Variants in TEX9 observed in about 807,000 individuals in gnomAD.
TEX9 encodes the protein testis expressed 9.
TEX9 carries 74 observed loss-of-function variants against 59.6 expected under a neutral mutation model. That is an observed-to-expected ratio of 1.24 (90% confidence interval 1.03 to 1.51). The LOEUF (loss-of-function observed/expected upper bound fraction) is 1.51. Ranked by LOEUF, TEX9 falls within the 40% of genes most tolerant of loss-of-function variation. The pLI is 0.00. For synonymous variants in TEX9, 186 were observed against 152.2 expected (o/e 1.22, Z -1.64); for missense variants, 522 against 447.8 (o/e 1.17, Z -1.49).
At chr15:56,303,395 G>T (rs187586052) in intron 1 of TEX9, among the ~76,000 whole-genome samples, 14 of 152,122 alleles carry the variant, frequency 9.2e-5, no homozygotes, top group Admixed American at 9.2e-4. Flanking sequence ...TTAATAATAA[G>T]AAATTTGGAA....
Position 56,370,959 on chromosome 15 carries a change from C to T in TEX9, c.120-2482C>T, listed in dbSNP as rs1266938940. ...GCAACCTCCGCCTCCCAGGTTCAAG[C>T]GATTCTCATTCCTCAGCCTCCCCAG... On this transcript the variant is annotated intron_variant, in intron 2 of 12. Transcript: ENST00000352903. Among the ~76,000 whole-genome samples the T allele has an allele frequency of 3.3e-5, 5 of 152,084 alleles. No individual in the cohort carries two copies. The East Asian group carries it at 7.7e-4, about 24-fold the overall frequency.
intron 1 of TEX9, among the ~76,000 whole-genome samples, chr15:56,300,042 C>T (rs952234391): frequency 1.3e-5 from 2 of 152,056 alleles, no homozygotes; most frequent in East Asian, 1.9e-4. Context: ...TTGGCAACAG[C>T]GAGGTACAGC....
intron 10 of TEX9, among the ~76,000 whole-genome samples, chr15:56,424,974 G>A (rs1327014345): frequency 6.6e-6 from 1 of 152,086 alleles, no homozygotes; most frequent in Non-Finnish European, 1.5e-5. Flanking sequence ...ATCTAGGAAT[G>A]TCTTAATTTC....
upstream of TEX9, among the ~76,000 whole-genome samples, chr15:56,360,750 A>G (rs182464042): frequency 3.4e-3 from 513 of 152,288 alleles, 3 homozygotes; most frequent in African/African-American, 0.011. Context: ...ATGAAGCCAT[A>G]CCTCTTCTGT....
At chr15:56,275,124 C>T (rs775872772) in intron 1 of TEX9, among the ~76,000 whole-genome samples, 4 of 152,176 alleles carry the variant, frequency 2.6e-5, no homozygotes, top group African/African-American at 9.7e-5. Context: ...AATCCTTTCA[C>T]TCCAGTACTA....
At chr15:56,335,605 G>A (rs1293267674) in intron 1 of TEX9, among the ~76,000 whole-genome samples, 1 of 152,108 alleles carries the variant, frequency 6.6e-6, no homozygotes, top group Non-Finnish European at 1.5e-5. Context: ...GGTGATTATA[G>A]TAAAAACTAA....
upstream of TEX9, among the ~76,000 whole-genome samples, chr15:56,363,326 GCTATCT>G (rs1329192076): frequency 1.3e-5 from 2 of 150,646 alleles, no homozygotes; most frequent in African/African-American, 2.5e-5. Context: ...GTGCAGTGGT[GCTATCT>G]CGGCTCACTG....
chr15:56,247,119 A>C (rs1302652595), intron 1 of TEX9, among the ~76,000 whole-genome samples: 2 of 152,200 alleles, frequency 1.3e-5, no homozygotes, highest in African/African-American at 4.8e-5. Context: ...AGCCCAATCC[A>C]TTATATTGTC....
intron 1 of TEX9, among the ~76,000 whole-genome samples, chr15:56,343,903 A>G (rs1275084172): frequency 1.3e-5 from 2 of 152,172 alleles, no homozygotes; most frequent in African/African-American, 2.4e-5. Flanking sequence ...AATGGACAAT[A>G]AGCAAATGAA....
At chr15:56,309,724 T>TTTTTTTTTTTTA (rs2045566144) in intron 1 of TEX9, among the ~76,000 whole-genome samples, 1 of 100,690 alleles carries the variant, frequency 9.9e-6, no homozygotes, top group African/African-American at 3.9e-5. Context: ...TTTTTTTTTT[T>TTTTTTTTTTTTA]AAAGCAGTGA....
At chr15:56,346,513 C>T (rs567572247) in intron 1 of TEX9, among the ~76,000 whole-genome samples, 1 of 152,314 alleles carries the variant, frequency 6.6e-6, no homozygotes, top group Non-Finnish European at 1.5e-5. Context: ...GTCAGTTCAA[C>T]TTCCATTTGC....
intron 12 of TEX9, among the ~76,000 whole-genome samples, chr15:56,433,722 A>C (rs1444762694): frequency 1.3e-5 from 2 of 152,174 alleles, no homozygotes; most frequent in Non-Finnish European, 2.9e-5. Context: ...TTCAATCTTC[A>C]GTGGCTTCCC....
chr15:56,376,243 T>C (rs1020525735), intron 3 of TEX9, among the ~76,000 whole-genome samples: 3 of 151,786 alleles, frequency 2.0e-5, no homozygotes, highest in Non-Finnish European at 4.4e-5. Flanking sequence ...AAAAAAAAGA[T>C]ATATTGATTT....
intron 1 of TEX9, among the ~76,000 whole-genome samples, chr15:56,258,795 A>T (rs1457452361): frequency 6.6e-6 from 1 of 151,284 alleles, no homozygotes; most frequent in East Asian, 1.9e-4. Context: ...TGCTTGCTCA[A>T]GTTTTTGCTC....
upstream of TEX9, among the ~76,000 whole-genome samples, chr15:56,362,527 T>A (rs1483377522): frequency 2.6e-5 from 4 of 151,374 alleles, no homozygotes; most frequent in African/African-American, 9.8e-5. Context: ...TTGTAAATAG[T>A]TTATTTTTAA....
intron 10 of TEX9, among the ~76,000 whole-genome samples, chr15:56,421,015 T>G (rs1249261403): frequency 6.6e-6 from 1 of 151,880 alleles, no homozygotes; most frequent in Non-Finnish European, 1.5e-5. Context: ...ATGTGCATTC[T>G]GTATTTGTTA....
chr15:56,366,621 G>T (rs1485544565), intron 2 of TEX9, among the ~76,000 whole-genome samples: 4 of 152,114 alleles, frequency 2.6e-5, no homozygotes, highest in African/African-American at 9.7e-5. Context: ...AGTTCCAAGG[G>T]CAGAGGCGAT....
At chr15:56,313,086 T>C (rs1408384997) in intron 1 of TEX9, among the ~76,000 whole-genome samples, 10 of 150,408 alleles carry the variant, frequency 6.6e-5, no homozygotes, top group Non-Finnish European at 1.2e-4. Flanking sequence ...TCATGTCATC[T>C]GCAAACAGGG....
chr15:56,421,892 C>G (rs1056594463), intron 10 of TEX9: 2 of 151,456 alleles, frequency 1.3e-5, no homozygotes, highest in East Asian at 1.9e-4. Flanking sequence ...TTGGTTCCAA[C>G]TCTTTGCTAT....
Sources: gnomAD v4.1 joint callset for allele counts (sites outside exome capture counted in the v4.1 genomes callset) on GRCh38, gnomAD v4.1.1 for gene constraint, MANE v1.5 for transcripts, NCBI Gene and HGNC (gene_info 2026-07-23, HGNC 2026-07-21) for gene names.